GZMM: variants seen among roughly 807,000 people sequenced by gnomAD.
GZMM encodes HU-Met-1.
A neutral mutation model predicts 19.2 loss-of-function variants in GZMM; 23 were observed. The observed-to-expected ratio is 1.20, with a 90% CI of 0.86 to 1.69. The LOEUF is 1.69. Ranked by LOEUF, GZMM falls within the 40% of genes most tolerant of loss-of-function variation. The pLI, the probability that GZMM is intolerant of heterozygous loss-of-function variation, is 0.00. For missense variants in GZMM, 373 were observed against 352.2 expected, an observed-to-expected ratio of 1.06 and a Z score of -0.47; for synonymous variants, 178 against 160.2, an observed-to-expected ratio of 1.11 and a Z score of -0.84.
chr19:548,431 G>T, intron 2 of GZMM, 111 bp from the exon 3 acceptor site: 1 of 1,062,932 alleles, frequency 9.4e-7, no homozygotes, highest in Non-Finnish European at 1.4e-6. Context: ...GTGAGGGGCA[G>T]CGGCTGTGAG....
At chr19:545,140 T>G (rs1009541938) in intron 1 of GZMM, among the ~76,000 whole-genome samples, 3 of 104,018 alleles carry the variant, frequency 2.9e-5, no homozygotes, top group Admixed American at 1.0e-4. Context: ...TATCCATCCG[T>G]ATTTGCAGGG....
At position 546,456 on chromosome 19, in the gene GZMM, G is replaced by A. The variant is rs146460728; in HGVS notation, c.56-824G>A. The stretch of plus-strand genomic sequence containing the variant: ...CTCGGGAGGCTGAGGCAGGAGAATC[G>A]CTTGAACCCAGGAGGCAGAGGTTGC... On this transcript the variant is annotated intron_variant, in intron 1 of 4. Coordinates refer to ENST00000264553, the MANE Select transcript of GZMM (RefSeq NM_005317.4). Among the ~76,000 whole-genome samples, 655 of 149,344 alleles carry A rather than the reference G, an allele frequency of 4.4e-3. 4 individuals are homozygous for A. Among genetic ancestry groups the A allele is most frequent in the African/African-American group, 0.015 (625 of 40,784 alleles).
chr19:548,514 G>A (rs200333639), intron 2 of GZMM, 28 bp from the exon 3 acceptor site: 145 of 1,610,158 alleles, frequency 9.0e-5, no homozygotes, highest in South Asian at 1.1e-4. Context: ...GGGCCAGGCC[G>A]CAGCACCCTG....
Position 549,040 on chromosome 19 carries a change from G to A in GZMM, c.467G>A (p.Gly156Asp). 6.3e-7 allele frequency: 1 copy of A among 1,598,688 alleles called. No individual in the cohort carries two copies. The highest frequency in any genetic ancestry group is 2.3e-5 in the East Asian group (1 of 44,272). ...SMAGWGLTHQGGRLSRVLREL... is the reference protein window; with the variant it reads ...SMAGWGLTHQDGRLSRVLREL... ...GCCGGCTGGGGGCTGACCCACCAGG[G>A]CGGGCGCCTGTCCCGGGTGCTGCGG... Residue 156 changes from glycine (G) to aspartate (D), a missense_variant, in exon 4 of 5, where the codon GGC becomes GAC. Physicochemically the swap from Gly to Asp is moderately conservative, Grantham distance 94. Coordinates refer to ENST00000264553, the MANE Select transcript of GZMM (RefSeq NM_005317.4).
intron 1 of GZMM, among the ~76,000 whole-genome samples, chr19:545,599 G>A (rs1003930882): frequency 4.6e-5 from 7 of 151,542 alleles, no homozygotes; most frequent in Admixed American, 6.6e-5. Context: ...CGCCTGCCTC[G>A]GCCTCCCAAA....
rs540578685 is a variant in GZMM at position 544,079 on chromosome 19, C to T, written c.8C>T (p.Ala3Val). ...CTGGGTCTCCACAGCGGCATGGAGGCCTGCGTGTCTTCACTGCTGGTGCTG... is the reference window on the plus strand; with the variant it reads ...CTGGGTCTCCACAGCGGCATGGAGGTCTGCGTGTCTTCACTGCTGGTGCTG... ME[A>V]CVSSLLVLAL... Residue 3 changes from alanine to valine, a missense_variant, in exon 1 of 5, where the codon GCC (alanine) becomes GTC (valine). By Grantham distance (64) the Ala-to-Val change is moderately conservative (BLOSUM62 0). Coordinates refer to ENST00000264553, the MANE Select transcript of GZMM (RefSeq NM_005317.4). The T allele has an allele frequency of 1.9e-6, 3 of 1,548,622 alleles. No individual in the cohort carries two copies. Among genetic ancestry groups the T allele is most frequent in the African/African-American group, 2.7e-5 (2 of 73,046 alleles).
rs771298089 is a variant in GZMM at position 546,880 on chromosome 19, T to C, written c.56-400T>C. Among the ~76,000 whole-genome samples the C allele has an allele frequency of 3.3e-5, 5 of 151,560 alleles. No individual in the cohort carries two copies. The East Asian group carries it at 5.9e-4, about 18-fold the overall frequency. On this transcript the variant is annotated intron_variant, in intron 1 of 4. Coordinates refer to ENST00000264553, the MANE Select transcript of GZMM (RefSeq NM_005317.4). ...AAGTTTTTTTTAAGAGACTGGGTCT[T>C]GCTGTGTCGCCCAGGCTGGTCTCGA...
At chr19:548,797 G>A (rs1206638635) in intron 3 of GZMM, 120 bp downstream of exon 3, 26 of 254,514 alleles carry the variant, frequency 1.0e-4, no homozygotes, top group East Asian at 4.4e-4. Flanking sequence ...CCCTCCCCCC[G>A]CACTACTGCC....
intron 1 of GZMM, 94 bp from the exon 2 acceptor site, chr19:547,186 T>A (rs1220570616): frequency 1.7e-6 from 2 of 1,191,346 alleles, no homozygotes; most frequent in Non-Finnish European, 2.2e-6. Context: ...CACATCTGCT[T>A]GGGGTCCTGG....
chr19:549,189 A>C lies in GZMM; in HGVS notation c.612+4A>C. ...CAAGGACCAGGCTCCCTGCAAGGTGAGGGGCGCCCGGGTGGGGCTGGGGGA... is the reference window on the plus strand; with the variant it reads ...CAAGGACCAGGCTCCCTGCAAGGTGCGGGGCGCCCGGGTGGGGCTGGGGGA... On this transcript the variant is annotated splice_donor_region_variant and intron_variant, in intron 4 of 4. Transcript: ENST00000264553. The C allele has an allele frequency of 6.4e-7, 1 of 1,562,984 alleles. No individual in the cohort carries two copies. The highest frequency in any genetic ancestry group is 8.7e-7 in the Non-Finnish European group (1 of 1,153,956).
chr19:548,768 C>CCTCCCCCCGCGCTGCCGACA, intron 3 of GZMM, 91 bp downstream of exon 3: 1 of 935,642 alleles, frequency 1.1e-6, no homozygotes. Flanking sequence ...CGCTGCCGAC[C>CCTCCCCCCGCGCTGCCGACA]CTCCCCCCGC....
In GZMM at chr19:548,523, T is replaced by C. The variant is rs894129674; in HGVS notation, c.213-19T>C. On this transcript the variant is annotated intron_variant, in intron 2 of 4. Coordinates refer to ENST00000264553, the MANE Select transcript of GZMM (RefSeq NM_005317.4). The stretch of plus-strand genomic sequence containing the variant: ...CACGCCGGGCCAGGCCGCAGCACCC[T>C]GATTCCCTCTGTCCCCAGGATGGCC... 6.2e-7 allele frequency: 1 copy of C among 1,611,910 alleles called. No homozygotes were observed. Among genetic ancestry groups the C allele is most frequent in the African/African-American group, 1.3e-5 (1 of 74,864 alleles).
At chr19:548,265 C>T (rs1381325520) in intron 2 of GZMM, among the ~76,000 whole-genome samples, 1 of 152,178 alleles carries the variant, frequency 6.6e-6, no homozygotes, top group African/African-American at 2.4e-5. Context: ...GGCTGGTTTT[C>T]GTGAAGCTGT....
At position 547,303 on chromosome 19, in the gene GZMM, A is replaced by C; in HGVS notation, c.79A>C (p.Ile27Leu). 3.2e-6 allele frequency: 5 copies of C among 1,554,290 alleles called. No individual in the cohort carries two copies. Among genetic ancestry groups the C allele is most frequent in the Non-Finnish European group, 4.3e-6 (5 of 1,151,760 alleles). ...AGGCAGCTCCTTTGGGACCCAGATC[A>C]TCGGGGGCCGGGAGGTGATCCCCCA... Reference protein sequence around the residue: ...SVGSSFGTQIIGGREVIPHSR... With the variant: ...SVGSSFGTQILGGREVIPHSR... Residue 27 changes from isoleucine (I) to leucine (L), a missense_variant, in exon 2 of 5, where the codon ATC becomes CTC. Ile to Leu is a conservative substitution (Grantham distance 5). Transcript: ENST00000264553.
chr19:549,077 C>G lies in GZMM; in HGVS notation c.504C>G (p.Leu168=). The G allele has an allele frequency of 6.3e-7, 1 of 1,589,754 alleles. No homozygotes were observed. Among genetic ancestry groups the G allele is most frequent in the Non-Finnish European group, 8.6e-7 (1 of 1,169,562 alleles). Residue 168 remains leucine (L), a synonymous_variant, in exon 4 of 5, where the codon CTC becomes CTG. Transcript: ENST00000264553. ...CCCGGGTGCTGCGGGAGCTGGACCTCCAAGTGCTGGACACCCGCATGTGTA... is the reference window on the plus strand; with the variant it reads ...CCCGGGTGCTGCGGGAGCTGGACCTGCAAGTGCTGGACACCCGCATGTGTA... ...RLSRVLRELD[L]QVLDTRMCNN...
At chr19:548,510 G>A in intron 2 of GZMM, 32 bp from the exon 3 acceptor site, 1 of 1,609,566 alleles carries the variant, frequency 6.2e-7, no homozygotes. Context: ...CGCCGGGCCA[G>A]GCCGCAGCAC....
intron 1 of GZMM, 32 bp from the exon 2 acceptor site, chr19:547,248 C>A: frequency 6.8e-7 from 1 of 1,479,158 alleles, no homozygotes. Flanking sequence ...GCATGTAGCC[C>A]CAACCTGGCT....
rs1040720943 is a variant in GZMM, at chr19:545,546, C to T, written c.55+1420C>T. 3.0e-4 allele frequency among the ~76,000 whole-genome samples: 46 copies of T among 151,972 alleles called. 2 individuals are homozygous for T. Among genetic ancestry groups the T allele is most frequent in the Admixed American group, 3.0e-3 (45 of 15,248 alleles). On this transcript the variant is annotated intron_variant, in intron 1 of 4. Transcript: ENST00000264553. Reference sequence around the variant, plus strand: ...ATTTTTAGTAGAGACAGGGTTTCCCCGTGTTGGTCAGGCTGGTCTCAAACT... The same window carrying T: ...ATTTTTAGTAGAGACAGGGTTTCCCTGTGTTGGTCAGGCTGGTCTCAAACT...
At chr19:548,744 C>T in intron 3 of GZMM, 67 bp downstream of exon 3, 1 of 1,426,476 alleles carries the variant, frequency 7.0e-7, no homozygotes. Flanking sequence ...CTCACCCCCA[C>T]TGCGCCCTCC....
Sources: allele counts gnomAD v4.1 joint callset (sites outside exome capture counted in the v4.1 genomes callset), GRCh38; gene constraint gnomAD v4.1.1; transcripts MANE v1.5; gene names NCBI Gene and HGNC (gene_info 2026-07-23, HGNC 2026-07-21).